Variants in FOXJ2 observed in about 807,000 individuals in gnomAD.
FOXJ2 encodes the protein forkhead box protein J2.
In FOXJ2, 18 loss-of-function variants were observed where a neutral mutation model predicts 68.4. The ratio of observed to expected loss-of-function variants is 0.26; its 90% CI spans 0.18 to 0.39. The LOEUF (loss-of-function observed/expected upper bound fraction) is 0.39, where lower values mean the gene tolerates loss of function less well. Among genes scored for constraint, FOXJ2 ranks in the 10% least tolerant of loss-of-function variants. The pLI, the probability that FOXJ2 is intolerant of heterozygous loss-of-function variation, is 1.00. For missense variants in FOXJ2, 670 were observed against 726.5 expected (o/e 0.92, Z 0.89); for synonymous variants, 274 against 263.2 (o/e 1.04, Z -0.40).
intron 1 of FOXJ2, among the ~76,000 whole-genome samples, chr12:8,034,218 C>A (rs901622723): frequency 1.3e-5 from 2 of 152,168 alleles, no homozygotes; most frequent in Non-Finnish European, 2.9e-5. Flanking sequence ...GGCCTTTTCC[C>A]CTGGAGAGTG....
intron 6 of FOXJ2, among the ~76,000 whole-genome samples, chr12:8,046,223 T>C (rs1178942899): frequency 6.6e-6 from 1 of 152,228 alleles, no homozygotes; most frequent in Non-Finnish European, 1.5e-5. Context: ...GAAGAATCCC[T>C]GCGTTTCATT....
At chr12:8,050,314 T>G in intron 9 of FOXJ2, 1 of 1,299,906 alleles carries the variant, frequency 7.7e-7, no homozygotes, top group Non-Finnish European at 9.7e-7. Context: ...TCTTTCCTAT[T>G]TCACAATTGT....
intron 2 of FOXJ2, 53 bp from the exon 3 acceptor site, chr12:8,042,605 A>T (rs1946979716): frequency 6.7e-7 from 1 of 1,484,768 alleles, no homozygotes; most frequent in African/African-American, 1.4e-5. Flanking sequence ...TCTATTGGAA[A>T]ATGTTCTGCT....
chr12:8,048,211 C>A lies in FOXJ2; in HGVS notation c.1147C>A (p.His383Asn). The A allele has an allele frequency of 6.2e-7, 1 of 1,610,252 alleles. No individual in the cohort carries two copies. The highest frequency in any genetic ancestry group is 8.5e-7 in the Non-Finnish European group (1 of 1,177,974). The change falls in exon 7 of 11, where the codon CAC (histidine) becomes AAC (asparagine). Residue 383 changes from histidine to asparagine, a missense_variant. His to Asn is a moderately conservative substitution (Grantham distance 68). Around this residue, in one of 2 missense-constraint regions of FOXJ2, gnomAD observed 555 missense variants for 562.2 expected, o/e 0.99. Transcript: ENST00000162391. ...GGYHPHQHHPHSHPAQQPPPP... is the reference protein window; with the variant it reads ...GGYHPHQHHPNSHPAQQPPPP... ...CTACCACCCTCATCAGCACCATCCC[C>A]ACTCCCACCCTGCCCAGCAGCCACC... is the stretch of plus-strand genomic sequence containing the variant.
At chr12:8,036,425 A>G (rs1946895995) in intron 1 of FOXJ2, among the ~76,000 whole-genome samples, 1 of 152,120 alleles carries the variant, frequency 6.6e-6, no homozygotes, top group African/African-American at 2.4e-5. Flanking sequence ...AGTCTTCATT[A>G]GACGTCGTGT....
intron 6 of FOXJ2, among the ~76,000 whole-genome samples, chr12:8,045,845 G>A (rs1947029296): frequency 6.6e-6 from 1 of 151,356 alleles, no homozygotes; most frequent in Non-Finnish European, 1.5e-5. Context: ...TCTTAGTAGA[G>A]ACGGAGTTTC....
chr12:8,036,540 C>A lies in FOXJ2; in HGVS notation c.-15+2707C>A, dbSNP rs1202255633. Among the ~76,000 whole-genome samples, 3 of 148,644 alleles carry A rather than the reference C, an allele frequency of 2.0e-5. No individual in the cohort carries two copies. The East Asian group carries it at 5.8e-4, about 29-fold the overall frequency. ...AGAATGTGGCCTGACTCAGGTTCTG[C>A]CCAAGCCCCGTGGCACAGGGCCCTG... On this transcript the variant is annotated intron_variant, in intron 1 of 10. Transcript: ENST00000162391.
intron 6 of FOXJ2, among the ~76,000 whole-genome samples, chr12:8,045,566 G>C (rs776628275): frequency 3.7e-4 from 57 of 152,310 alleles, no homozygotes; most frequent in Non-Finnish European, 6.9e-4. Flanking sequence ...TGGCTGGGCT[G>C]GTCTCGAACT....
At position 8,053,950 on chromosome 12, in the gene FOXJ2, A is replaced by G. The variant is rs1591583401; in HGVS notation, c.*1100A>G. The G allele has an allele frequency of 6.6e-6, 1 of 152,166 alleles. No individual in the cohort carries two copies. The highest frequency in any genetic ancestry group is 1.9e-4 in the East Asian group (1 of 5,192). The allele number at this position is 152,166 out of a possible 1,614,324, so 9.4% of individuals were successfully genotyped here. A position where few individuals can be genotyped will look rare whatever the true frequency, so the allele number is the denominator to read the frequency against. The stretch of plus-strand genomic sequence containing the variant: ...TCACTCTGAGTTTCGTCGTGCCCTG[A>G]GACATGATGGGAATCTCATTCCCAC... On this transcript the variant is annotated 3_prime_UTR_variant, in exon 11 of 11. Transcript: ENST00000162391. The surrounding 1 kb of genome is among the most constrained non-coding windows in gnomAD (Gnocchi z 4.1).
rs755267008 is a variant in FOXJ2, at chr12:8,035,138, A to G, written c.-15+1305A>G. Among the ~76,000 whole-genome samples the G allele has an allele frequency of 4.6e-5, 7 of 152,230 alleles. No homozygotes were observed. Among genetic ancestry groups the G allele is most frequent in the Non-Finnish European group, 7.3e-5 (5 of 68,040 alleles). On this transcript the variant is annotated intron_variant, in intron 1 of 10. Transcript: ENST00000162391. This position sits in a 1 kb window ranked among gnomAD's most constrained non-coding sequence, Gnocchi z 4.0. Reference sequence around the variant, plus strand: ...GGGCACAGGTTTGTGTGGCTGTGCTATAGGACAACATGCATATACTTCTTA... The same window carrying G: ...GGGCACAGGTTTGTGTGGCTGTGCTGTAGGACAACATGCATATACTTCTTA...
chr12:8,046,696 A>G (rs998317197), intron 6 of FOXJ2, among the ~76,000 whole-genome samples: 2 of 152,202 alleles, frequency 1.3e-5, no homozygotes, highest in East Asian at 3.8e-4. Context: ...ACTTAGAGAC[A>G]GTGGTGAAGT....
rs1947147377 is a variant in FOXJ2, at chr12:8,053,115, G to A, written c.*265G>A. Reference sequence around the variant, plus strand: ...TTATTATTATTATTGGTTATATACTGTCCATAGTCTCCTGTCCCTACATCA... The same window carrying A: ...TTATTATTATTATTGGTTATATACTATCCATAGTCTCCTGTCCCTACATCA... On this transcript the variant is annotated 3_prime_UTR_variant, in exon 11 of 11. Coordinates refer to ENST00000162391, the MANE Select transcript of FOXJ2 (RefSeq NM_018416.3). This position sits in a 1 kb window ranked among gnomAD's most constrained non-coding sequence, Gnocchi z 4.1. The A allele has an allele frequency of 6.3e-6, 1 of 159,450 alleles. No individual in the cohort carries two copies. The highest frequency in any genetic ancestry group is 1.4e-5 in the Non-Finnish European group (1 of 73,328). 9.9% of individuals were successfully genotyped at this position (159,450 alleles called of 1,614,324 possible).
chr12:8,047,178 C>G (rs751912773), intron 6 of FOXJ2, among the ~76,000 whole-genome samples: 2 of 152,018 alleles, frequency 1.3e-5, no homozygotes, highest in Non-Finnish European at 2.9e-5. Context: ...AGGGGCCGGT[C>G]GTGGTGTCTC....
chr12:8,050,580 C>T lies in FOXJ2; in HGVS notation c.1596C>T (p.Tyr532=). ...TCTACCCTGGCCCATCACCAATGTA[C>T]CCAATCCCCACCCAGGACTCAGCAG... The part of the protein sequence containing the change: ...PHLYPGPSPM[Y]PIPTQDSAGY... Residue 532 remains tyrosine (Y), a synonymous_variant, in exon 10 of 11, where the codon TAC becomes TAT. Transcript: ENST00000162391. 6.2e-7 allele frequency: 1 copy of T among 1,613,914 alleles called. No individual in the cohort carries two copies. Among genetic ancestry groups the T allele is most frequent in the Middle Eastern group, 1.6e-4 (1 of 6,062 alleles).
rs1947172467 is a variant in FOXJ2 at position 8,055,251 on chromosome 12, A to C, written c.*2401A>C. ...TGGGTGATGTGTGCAAAACTGCAGA[A>C]GCTCACTGCCTATAAGAGGAAATAA... On this transcript the variant is annotated 3_prime_UTR_variant, in exon 11 of 11. Coordinates refer to ENST00000162391, the MANE Select transcript of FOXJ2 (RefSeq NM_018416.3). 6.5e-6 allele frequency: 1 copy of C among 152,686 alleles called. No homozygotes were observed. The highest frequency in any genetic ancestry group is 1.5e-5 in the Non-Finnish European group (1 of 68,066). The allele number at this position is 152,686 out of a possible 1,614,324, so 9.5% of individuals were successfully genotyped here.
At position 8,047,992 on chromosome 12, in the gene FOXJ2, C is replaced by G; in HGVS notation, c.928C>G (p.Pro310Ala). The G allele has an allele frequency of 1.2e-6, 2 of 1,613,850 alleles. No individual in the cohort carries two copies. The highest frequency in any genetic ancestry group is 2.2e-5 in the East Asian group (1 of 44,882). ...GCAGCAGCAGCAGCAGCCGCCACAGCCACCTCCCCAGCAGTCCCAGCCACA... is the reference window on the plus strand; with the variant it reads ...GCAGCAGCAGCAGCAGCCGCCACAGGCACCTCCCCAGCAGTCCCAGCCACA... ...QQQQQQQPPQ[P>A]PPQQSQPQQQ... Residue 310 changes from proline to alanine, a missense_variant, in exon 7 of 11, where the codon CCA becomes GCA. Physicochemically the swap from Pro to Ala is conservative, Grantham distance 27 (BLOSUM62 -1). Transcript: ENST00000162391.
Position 8,055,465 on chromosome 12 carries a change from G to A in FOXJ2, c.*2615G>A, listed in dbSNP as rs1947176475. 1 of 149,310 alleles carries A rather than the reference G, an allele frequency of 6.7e-6. No individual in the cohort carries two copies. Among genetic ancestry groups the A allele is most frequent in the South Asian group, 2.1e-4 (1 of 4,726 alleles). 9.2% of individuals were successfully genotyped at this position (149,310 alleles called of 1,614,324 possible). ...TATGGTCTCACAAGTTGTTGTCATT[G>A]TTTTTTTGCATGCTTTCTTAATAAA... On this transcript the variant is annotated 3_prime_UTR_variant, in exon 11 of 11. Transcript: ENST00000162391.
rs754833435 is a variant in FOXJ2 at position 8,044,940 on chromosome 12, T to A, written c.799T>A (p.Ser267Thr). The A allele has an allele frequency of 6.2e-7, 1 of 1,614,242 alleles. No individual in the cohort carries two copies. Among genetic ancestry groups the A allele is most frequent in the Non-Finnish European group, 8.5e-7 (1 of 1,180,030 alleles). ...CTATAAGTCCATGCTGGAGAAGTCC[T>A]CTTCCTCCTCTCAGCACGGTGAGTC... ...NLYKSMLEKS[S>T]SSSQHGFSSL... is the part of the protein sequence containing the mutation. Residue 267 changes from serine to threonine, a missense_variant, in exon 6 of 11, where the codon TCT (serine) becomes ACT (threonine). By Grantham distance (58) the Ser-to-Thr change is moderately conservative. Coordinates refer to ENST00000162391, the MANE Select transcript of FOXJ2 (RefSeq NM_018416.3).
chr12:8,045,806 C>T (rs763234820), intron 6 of FOXJ2, among the ~76,000 whole-genome samples: 3 of 151,444 alleles, frequency 2.0e-5, no homozygotes, highest in Non-Finnish European at 4.4e-5. Context: ...TACAGGCTCC[C>T]GCCACCACGC....
Sources: allele counts gnomAD v4.1 joint callset (sites outside exome capture counted in the v4.1 genomes callset), GRCh38; gene constraint gnomAD v4.1.1; regional missense constraint gnomAD v4.1.1; non-coding constraint Gnocchi (gnomAD v3.1); transcripts MANE v1.5; gene names NCBI Gene and HGNC (gene_info 2026-07-23, HGNC 2026-07-21).